The following SLAMF8 variants were observed in gnomAD, a reference collection of about 807,000 sequenced individuals.
SLAMF8 encodes the protein B lymphocyte activator macrophage expressed.
SLAMF8 carries 23 observed loss-of-function variants against 29.0 expected under a neutral mutation model. The observed-to-expected ratio is 0.79, with a 90% confidence interval of 0.57 to 1.13. SLAMF8 has a LOEUF of 1.13. Among genes scored for constraint, SLAMF8 ranks in the 50% most tolerant of loss-of-function variants. SLAMF8 has a pLI of 0.00. For synonymous variants in SLAMF8, 139 were observed against 145.6 expected, an observed-to-expected ratio of 0.96 and a Z score of 0.32; for missense variants, 381 against 353.1, an observed-to-expected ratio of 1.08 and a Z score of -0.63.
At chr1:159,827,218 G>A (rs982669241) in intron 1 of SLAMF8, among the ~76,000 whole-genome samples, 2 of 152,304 alleles carry the variant, frequency 1.3e-5, no homozygotes, top group Middle Eastern at 6.8e-3. Context: ...GGAGCCAGTG[G>A]GTGATACTGC....
chr1:159,829,281 G>T (rs1218294016), intron 1 of SLAMF8, among the ~76,000 whole-genome samples: 3 of 152,106 alleles, frequency 2.0e-5, no homozygotes, highest in Non-Finnish European at 4.4e-5. Context: ...ACGCCCCATT[G>T]CTCTACAGAT....
At position 159,837,166 on chromosome 1, in the gene SLAMF8, T is replaced by C. The variant is rs910510730; in HGVS notation, c.*1906T>C. ...CACAAGGTGACTCTTAGCAACCTCA[T>C]TTCGACAGTGGTTTGTAGCGTGGTG... On this transcript the variant is annotated 3_prime_UTR_variant, in exon 5 of 5. Transcript: ENST00000289707. 63 of 985,328 alleles carry C rather than the reference T, an allele frequency of 6.4e-5. No individual in the cohort carries two copies. Among genetic ancestry groups the C allele is most frequent in the African/African-American group, 1.7e-5 (1 of 57,218 alleles). 61.0% of individuals were successfully genotyped at this position (985,328 alleles called of 1,614,324 possible). A position where few individuals can be genotyped will look rare whatever the true frequency, so the allele number is the denominator to read the frequency against.
At position 159,835,052 on chromosome 1, in the gene SLAMF8, C is replaced by G. The variant is rs796564780; in HGVS notation, c.782-132C>G. 86 of 767,824 alleles carry G rather than the reference C, an allele frequency of 1.1e-4. No individual in the cohort carries two copies. In the African/African-American group the frequency reaches 1.2e-3, roughly 10 times the overall value. The allele number at this position is 767,824 out of a possible 1,614,324, so 47.6% of individuals were successfully genotyped here. A position where few individuals can be genotyped will look rare whatever the true frequency, so the allele number is the denominator to read the frequency against. Reference sequence around the variant, plus strand: ...CCTCCCTTTCCAGGGTGTTGGAAGACCAGGAGAAATGTTCCTTTACCTAAG... The same window carrying G: ...CCTCCCTTTCCAGGGTGTTGGAAGAGCAGGAGAAATGTTCCTTTACCTAAG... On this transcript the variant is annotated intron_variant, in intron 4 of 4. Coordinates refer to ENST00000289707, the MANE Select transcript of SLAMF8 (RefSeq NM_020125.3).
rs755808746 is a variant in SLAMF8, at chr1:159,833,024, T to C, written c.516T>C (p.Phe172=). ...GGCGACGGGAGACAACCATGGACTTTGGTATGGAACCACACAGCCTCTTCA... is the reference window on the plus strand; with the variant it reads ...GGCGACGGGAGACAACCATGGACTTCGGTATGGAACCACACAGCCTCTTCA... ...YSWRRETTMD[F]GMEPHSLFTD... The change falls in exon 3 of 5, where the codon TTT becomes TTC. Residue 172 remains phenylalanine, a synonymous_variant. Transcript: ENST00000289707. The C allele has an allele frequency of 2.5e-6, 4 of 1,614,218 alleles. No individual in the cohort carries two copies. Among genetic ancestry groups the C allele is most frequent in the Non-Finnish European group, 3.4e-6 (4 of 1,180,038 alleles).
rs1647958371 is a variant in SLAMF8, at chr1:159,836,575, CAG to C, written c.*1316_*1317del. 1.0e-6 allele frequency: 1 copy of C among 985,328 alleles called. No individual in the cohort carries two copies. Among genetic ancestry groups the C allele is most frequent in the Non-Finnish European group, 1.2e-6 (1 of 829,964 alleles). The allele number at this position is 985,328 out of a possible 1,614,324, so 61.0% of individuals were successfully genotyped here. A position where few individuals can be genotyped will look rare whatever the true frequency, so the allele number is the denominator to read the frequency against. On this transcript the variant is annotated 3_prime_UTR_variant, in exon 5 of 5. Coordinates refer to ENST00000289707, the MANE Select transcript of SLAMF8 (RefSeq NM_020125.3). ...AGCGAGGAAAGAGGTATTGAAGAAA[CAG>C]GGGTGGGTTTGAAGTACTATTTTCC...
intron 1 of SLAMF8, among the ~76,000 whole-genome samples, chr1:159,829,432 A>G (rs1172819786): frequency 2.0e-5 from 3 of 152,086 alleles, no homozygotes; most frequent in Non-Finnish European, 2.9e-5. Context: ...GGCCTTTGTC[A>G]GTACTGTGCC....
At position 159,835,386 on chromosome 1, in the gene SLAMF8, C is replaced by A; in HGVS notation, c.*126C>A. The A allele has an allele frequency of 7.0e-7, 1 of 1,429,786 alleles. No individual in the cohort carries two copies. The highest frequency in any genetic ancestry group is 9.2e-7 in the Non-Finnish European group (1 of 1,091,504). The allele number at this position is 1,429,786 out of a possible 1,614,324, so 88.6% of individuals were successfully genotyped here. A position where few individuals can be genotyped will look rare whatever the true frequency, so the allele number is the denominator to read the frequency against. On this transcript the variant is annotated 3_prime_UTR_variant, in exon 5 of 5. Transcript: ENST00000289707. ...TATCTCCCATGGGAATCCTGTCCTG[C>A]CTCGAAGGAGCAGCCTGGGCAGCCA...
Position 159,836,059 on chromosome 1 carries a change from C to T in SLAMF8, c.*799C>T. On this transcript the variant is annotated 3_prime_UTR_variant, in exon 5 of 5. Transcript: ENST00000289707. ...TTTCCTCACGCTCCAGCACAGTGGC[C>T]AGGAAAAGAAATACTGAATTTGCCC... The T allele has an allele frequency of 1.0e-6, 1 of 985,342 alleles. No individual in the cohort carries two copies. The highest frequency in any genetic ancestry group is 1.2e-6 in the Non-Finnish European group (1 of 829,932). The allele number at this position is 985,342 out of a possible 1,614,324, so 61.0% of individuals were successfully genotyped here. A position where few individuals can be genotyped will look rare whatever the true frequency, so the allele number is the denominator to read the frequency against.
At chr1:159,831,335 G>A (rs1442711244) in intron 2 of SLAMF8, among the ~76,000 whole-genome samples, 1 of 152,012 alleles carries the variant, frequency 6.6e-6, no homozygotes, top group African/African-American at 2.4e-5. Context: ...CAGCTAACTG[G>A]CTGTCCTTGG....
intron 2 of SLAMF8, among the ~76,000 whole-genome samples, chr1:159,830,980 A>T (rs1241392122): frequency 6.6e-6 from 1 of 152,166 alleles, no homozygotes; most frequent in Non-Finnish European, 1.5e-5. Flanking sequence ...GCGCAGCTAC[A>T]TTCAGCACCT....
Position 159,837,046 on chromosome 1 carries a change from A to T in SLAMF8, c.*1786A>T, listed in dbSNP as rs961540230. On this transcript the variant is annotated 3_prime_UTR_variant, in exon 5 of 5. Transcript: ENST00000289707. The stretch of plus-strand genomic sequence containing the variant: ...GCCCTGGTGGATTTGTGGGGAAAAA[A>T]TACACAGCACTCCCCACCTTTCTTT... 7.1e-6 allele frequency: 7 copies of T among 985,380 alleles called. No individual in the cohort carries two copies. The African/African-American group carries it at 1.0e-4, about 15-fold the overall frequency. The allele number at this position is 985,380 out of a possible 1,614,324, so 61.0% of individuals were successfully genotyped here.
At chr1:159,828,049 G>T (rs551360544) in intron 1 of SLAMF8, among the ~76,000 whole-genome samples, 1 of 152,206 alleles carries the variant, frequency 6.6e-6, no homozygotes, top group African/African-American at 2.4e-5. Context: ...GACCAGGCTG[G>T]TCTCAAACTC....
At position 159,837,105 on chromosome 1, in the gene SLAMF8, C is replaced by T; in HGVS notation, c.*1845C>T. 4.1e-6 allele frequency: 4 copies of T among 985,448 alleles called. No homozygotes were observed. The highest frequency in any genetic ancestry group is 4.8e-6 in the Non-Finnish European group (4 of 829,956). 61.0% of individuals were successfully genotyped at this position (985,448 alleles called of 1,614,324 possible). A position where few individuals can be genotyped will look rare whatever the true frequency, so the allele number is the denominator to read the frequency against. ...TCCAGGGCCCCACCTCAGATCAAAGCAGCTCTGGATGAGATGGGACCTGCA... is the reference window on the plus strand; with the variant it reads ...TCCAGGGCCCCACCTCAGATCAAAGTAGCTCTGGATGAGATGGGACCTGCA... On this transcript the variant is annotated 3_prime_UTR_variant, in exon 5 of 5. Transcript: ENST00000289707.
chr1:159,835,116 C>T, intron 4 of SLAMF8, 68 bp from the exon 5 acceptor site: 4 of 1,491,614 alleles, frequency 2.7e-6, no homozygotes, highest in Non-Finnish European at 3.7e-6. Context: ...CAGAGGCCTG[C>T]AGGCAGGCCA....
intron 2 of SLAMF8, among the ~76,000 whole-genome samples, chr1:159,830,947 C>T (rs1161355000): frequency 1.3e-5 from 2 of 152,194 alleles, no homozygotes; most frequent in African/African-American, 2.4e-5. Context: ...ACTTCTGCTT[C>T]GCATGGGTCT....
Position 159,830,172 on chromosome 1 carries a change from C to A in SLAMF8, c.347C>A (p.Thr116Asn), listed in dbSNP as rs780471160. Reference protein sequence around the residue: ...VDTRGQPWTQTLQLKVYDAVP... With the variant: ...VDTRGQPWTQNLQLKVYDAVP... ...ACAAGGGGCCAGCCCTGGACCCAGA[C>A]CCTCCAGCTCAAGGTGTACGGTGAG... is the stretch of plus-strand genomic sequence containing the variant. The change falls in exon 2 of 5, where the codon ACC (threonine) becomes AAC (asparagine). Residue 116 changes from threonine to asparagine, a missense_variant. Transcript: ENST00000289707. 1.2e-6 allele frequency: 2 copies of A among 1,605,760 alleles called. No individual in the cohort carries two copies. Among genetic ancestry groups the A allele is most frequent in the South Asian group, 2.2e-5 (2 of 90,436 alleles).
intron 1 of SLAMF8, among the ~76,000 whole-genome samples, chr1:159,827,923 T>A (rs911205704): frequency 1.3e-5 from 2 of 152,000 alleles, no homozygotes; most frequent in African/African-American, 4.8e-5. Flanking sequence ...AACCTCTGCC[T>A]CCTGGGTTCA....
At chr1:159,827,135 G>A (rs754939385) in intron 1 of SLAMF8, among the ~76,000 whole-genome samples, 197 bp downstream of exon 1, 15 of 152,202 alleles carry the variant, frequency 9.9e-5, no homozygotes, top group Admixed American at 2.6e-4. Flanking sequence ...TCCTGGGAGG[G>A]AGGAGGTGGC....
In SLAMF8 at chr1:159,835,418, C is replaced by A; in HGVS notation, c.*158C>A. The A allele has an allele frequency of 7.1e-7, 1 of 1,407,346 alleles. No individual in the cohort carries two copies. The highest frequency in any genetic ancestry group is 9.2e-7 in the Non-Finnish European group (1 of 1,081,982). The allele number at this position is 1,407,346 out of a possible 1,614,324, so 87.2% of individuals were successfully genotyped here. A position where few individuals can be genotyped will look rare whatever the true frequency, so the allele number is the denominator to read the frequency against. ...GGAGCAGCCTGGGCAGCCATCACAC[C>A]ACGAGGACAGGAAGCACCAGCACGT... On this transcript the variant is annotated 3_prime_UTR_variant, in exon 5 of 5. Transcript: ENST00000289707.
Sources: gnomAD v4.1 joint callset for allele counts (sites outside exome capture counted in the v4.1 genomes callset) on GRCh38, gnomAD v4.1.1 for gene constraint, MANE v1.5 for transcripts, NCBI Gene and HGNC (gene_info 2026-07-23, HGNC 2026-07-21) for gene names.